Variants in CDH23 observed in about 807,000 individuals in gnomAD.
CDH23 encodes the protein cadherin-23.
A neutral mutation model predicts 317.1 loss-of-function variants in CDH23; 189 were observed. The ratio of observed to expected loss-of-function variants is 0.60; its 90% confidence interval spans 0.53 to 0.67. The LOEUF (loss-of-function observed/expected upper bound fraction) is 0.67. Among genes scored for constraint, CDH23 ranks in the 30% least tolerant of loss-of-function variants. CDH23 has a pLI of 0.00. For missense variants in CDH23, 4,401 were observed against 4,592.4 expected (o/e 0.96, Z 1.20); for synonymous variants, 1,839 against 1,876.8 (o/e 0.98, Z 0.52).
intron 28 of CDH23, 125 bp downstream of exon 28, chr10:71,712,938 T>A (rs1866041836): frequency 1.8e-6 from 2 of 1,135,534 alleles, no homozygotes; most frequent in African/African-American, 1.5e-5. Context: ...GTGGGTCCGC[T>A]GCTCTGGAAG....
chr10:71,446,953 C>T (rs1392421085), intron 3 of CDH23, among the ~76,000 whole-genome samples: 2 of 152,202 alleles, frequency 1.3e-5, no homozygotes, highest in Non-Finnish European at 2.9e-5. Context: ...GAAACTGAGG[C>T]TGAATTGCAG....
intron 3 of CDH23, among the ~76,000 whole-genome samples, chr10:71,481,831 G>A (rs928038434): frequency 6.6e-6 from 1 of 152,188 alleles, no homozygotes; most frequent in Non-Finnish European, 1.5e-5. Context: ...CTGTGGGGCA[G>A]CCCTGAGTCT....
chr10:71,751,599 C>G lies in CDH23; in HGVS notation c.4845+9678C>G. On this transcript the variant is annotated intron_variant, in intron 38 of 69. Transcript: ENST00000224721. The surrounding 1 kb of genome is among the most constrained non-coding windows in gnomAD (Gnocchi z 4.9). Reference sequence around the variant, plus strand: ...CTTCAGGGAGGGCAGGGAGTGAGGCCGATGCCCTGCAGGCCATGAGGTCAT... The same window carrying G: ...CTTCAGGGAGGGCAGGGAGTGAGGCGGATGCCCTGCAGGCCATGAGGTCAT... 6.8e-7 allele frequency: 1 copy of G among 1,477,064 alleles called. No individual in the cohort carries two copies. The highest frequency in any genetic ancestry group is 9.0e-7 in the Non-Finnish European group (1 of 1,105,278). The allele number at this position is 1,477,064 out of a possible 1,614,324, so 91.5% of individuals were successfully genotyped here.
intron 11 of CDH23, among the ~76,000 whole-genome samples, chr10:71,634,261 C>G (rs1862154529): frequency 6.6e-6 from 1 of 152,226 alleles, no homozygotes; most frequent in Non-Finnish European, 1.5e-5. Flanking sequence ...AGAAGGGGCC[C>G]CAGAAGGAGG....
At chr10:71,682,381 C>A in intron 17 of CDH23, 64 bp from the exon 18 acceptor site, 4 of 1,583,726 alleles carry the variant, frequency 2.5e-6, no homozygotes, top group Non-Finnish European at 2.6e-6. Context: ...CAAAGGGGAC[C>A]CCTGTCTGGA....
chr10:71,634,304 G>C (rs1028532313), intron 11 of CDH23, among the ~76,000 whole-genome samples: 1 of 152,228 alleles, frequency 6.6e-6, no homozygotes, highest in African/African-American at 2.4e-5. Flanking sequence ...GACAGGCCTG[G>C]GTGCACACAT....
At chr10:71,420,189 A>G (rs986903372) in intron 1 of CDH23, among the ~76,000 whole-genome samples, 2 of 152,182 alleles carry the variant, frequency 1.3e-5, no homozygotes, top group African/African-American at 4.8e-5. Flanking sequence ...TCTTTTCTAA[A>G]ATACCAAATT....
chr10:71,808,824 G>C (rs1308370957), intron 60 of CDH23, among the ~76,000 whole-genome samples: 1 of 152,040 alleles, frequency 6.6e-6, no homozygotes, highest in East Asian at 1.9e-4. Flanking sequence ...CATCCCCACG[G>C]CCTGCTCTCT....
rs1261341315 is a variant in CDH23 at position 71,754,327 on chromosome 10, T to TG, written c.4845+12411dup. 7.3e-5 allele frequency among the ~76,000 whole-genome samples: 11 copies of TG among 151,290 alleles called. No individual in the cohort carries two copies. In the East Asian group the frequency reaches 2.0e-3, roughly 27 times the overall value. On this transcript the variant is annotated intron_variant, in intron 38 of 69. Coordinates refer to ENST00000224721, the MANE Select transcript of CDH23 (RefSeq NM_022124.6). ...GAGTGACCCACTATGGGGCTTCACG[T>TG]GGGGGCCCCCGGGAATGAGGGGAGG...
intron 38 of CDH23, among the ~76,000 whole-genome samples, chr10:71,771,421 G>A (rs973170222): frequency 6.6e-6 from 1 of 152,220 alleles, no homozygotes; most frequent in African/African-American, 2.4e-5. Context: ...TTGACCTTGG[G>A]CAACATACCC....
chr10:71,527,345 G>A (rs1284671661), intron 6 of CDH23, among the ~76,000 whole-genome samples: 4 of 152,244 alleles, frequency 2.6e-5, no homozygotes, highest in Non-Finnish European at 2.9e-5. Context: ...CACAGCCAGC[G>A]GGAGGCCAGC....
At chr10:71,673,652 C>A (rs1276802122) in intron 14 of CDH23, among the ~76,000 whole-genome samples, 2 of 152,248 alleles carry the variant, frequency 1.3e-5, no homozygotes, top group African/African-American at 4.8e-5. Context: ...AGGATTCAAA[C>A]CCAGCACAGT....
chr10:71,775,760 A>G (rs1840803368), intron 38 of CDH23, among the ~76,000 whole-genome samples: 3 of 152,132 alleles, frequency 2.0e-5, no homozygotes, highest in South Asian at 2.1e-4. Flanking sequence ...TGCACACTCC[A>G]TCATGTGTTT....
At chr10:71,620,935 C>A (rs1180537972) in intron 11 of CDH23, among the ~76,000 whole-genome samples, 1 of 152,178 alleles carries the variant, frequency 6.6e-6, no homozygotes, top group Admixed American at 6.5e-5. Flanking sequence ...CTGGAGGAAT[C>A]CGGAGCTGGC....
intron 14 of CDH23, chr10:71,646,912 C>A: frequency 7.1e-7 from 1 of 1,414,686 alleles, no homozygotes. Flanking sequence ...GCTGGGAGCC[C>A]TGGAAGCCCC....
At chr10:71,566,678 AG>A (rs1350198521) in intron 6 of CDH23, 63 bp from the exon 7 acceptor site, 1 of 1,444,344 alleles carries the variant, frequency 6.9e-7, no homozygotes, top group African/African-American at 1.4e-5. Context: ...TGAGGGACTC[AG>A]CCCTGATGGC....
rs141624945 is a variant in CDH23 at position 71,455,621 on chromosome 10, C to T, written c.145+9226C>T. Among the ~76,000 whole-genome samples the T allele has an allele frequency of 4.7e-3, 720 of 152,136 alleles. 5 individuals are homozygous for T. The highest frequency in any genetic ancestry group is 0.017 in the African/African-American group (687 of 41,492). ...TCCTCATGGAACTGACATTCTAGAG[C>T]GGGGAGCAGGCAGAAAGCAGCATAG... is the stretch of plus-strand genomic sequence containing the variant. On this transcript the variant is annotated intron_variant, in intron 3 of 69. Coordinates refer to ENST00000224721, the MANE Select transcript of CDH23 (RefSeq NM_022124.6).
chr10:71,691,856 C>T (rs1271758723), intron 20 of CDH23, among the ~76,000 whole-genome samples: 4 of 152,206 alleles, frequency 2.6e-5, no homozygotes, highest in African/African-American at 7.2e-5. Flanking sequence ...GCCTTCAATC[C>T]CTTTTCCTGG....
At chr10:71,470,727 G>A (rs1851467398) in intron 3 of CDH23, among the ~76,000 whole-genome samples, 1 of 152,186 alleles carries the variant, frequency 6.6e-6, no homozygotes, top group Non-Finnish European at 1.5e-5. Context: ...CTGGGCTGAA[G>A]TGATCCTCCC....
Sources: gnomAD v4.1 joint callset for allele counts (sites outside exome capture counted in the v4.1 genomes callset) on GRCh38, gnomAD v4.1.1 for gene constraint, Gnocchi (gnomAD v3.1) non-coding constraint, MANE v1.5 for transcripts, NCBI Gene and HGNC (gene_info 2026-07-23, HGNC 2026-07-21) for gene names.